AGBL1: variants seen among roughly 807,000 people sequenced by gnomAD.
AGBL1 encodes the protein AGBL carboxypeptidase 1.
In AGBL1, 130 loss-of-function variants were observed where a neutral mutation model predicts 118.9. The observed-to-expected ratio is 1.09, with a 90% CI of 0.95 to 1.26. The LOEUF (loss-of-function observed/expected upper bound fraction) is 1.26, where lower values mean the gene tolerates loss of function less well. AGBL1 is among the 50% of genes most tolerant of loss of function. The probability of loss-of-function intolerance (pLI) is 0.00; values close to 1 mark genes in which losing one functional copy is unlikely to be tolerated. For synonymous variants in AGBL1, 555 were observed against 478.9 expected (o/e 1.16, Z -2.08); for missense variants, 1,584 against 1,298.1 (o/e 1.22, Z -3.38).
intron 17 of AGBL1, among the ~76,000 whole-genome samples, chr15:86,310,656 T>G (rs2079906870): frequency 6.6e-6 from 1 of 152,120 alleles, no homozygotes; most frequent in African/African-American, 2.4e-5. Context: ...AACGAGCACC[T>G]CTACTGAGGC....
At chr15:86,868,663 T>G (rs1406767199) in intron 22 of AGBL1, among the ~76,000 whole-genome samples, 1 of 152,228 alleles carries the variant, frequency 6.6e-6, no homozygotes, top group Admixed American at 6.5e-5. Context: ...TAAACTGATT[T>G]CCACTCACCC....
intron 17 of AGBL1, among the ~76,000 whole-genome samples, chr15:86,298,079 T>C (rs1278743729): frequency 6.6e-6 from 1 of 151,662 alleles, no homozygotes; most frequent in Non-Finnish European, 1.5e-5. Context: ...ATGCTTCAGA[T>C]ACTGTGGCAG....
intron 23 of AGBL1, among the ~76,000 whole-genome samples, chr15:86,953,251 G>A (rs1171973756): frequency 1.3e-5 from 2 of 151,980 alleles, no homozygotes; most frequent in African/African-American, 4.8e-5. Context: ...AAATTGCTTT[G>A]GGCAGTATGG....
At chr15:86,241,762 G>A (rs1354981261) in intron 6 of AGBL1, among the ~76,000 whole-genome samples, 3 of 152,168 alleles carry the variant, frequency 2.0e-5, no homozygotes, top group African/African-American at 4.8e-5. Flanking sequence ...ACTTTGGAGG[G>A]GACATGTTCA....
intron 22 of AGBL1, among the ~76,000 whole-genome samples, chr15:86,698,625 TAA>T (rs1555439796): frequency 6.6e-6 from 1 of 150,750 alleles, no homozygotes; most frequent in African/African-American, 2.4e-5. Flanking sequence ...TTTTTTTTTT[TAA>T]AAAGAGACCA....
rs184398527 is a variant in AGBL1 at position 87,025,631 on chromosome 15, C to T, written c.3324-3194C>T. On this transcript the variant is annotated intron_variant, in intron 24 of 24. Coordinates refer to the AGBL1 transcript ENST00000441037. The stretch of plus-strand genomic sequence containing the variant: ...ATCAAAATACCACCATCATTCTTCA[C>T]ACAATTAGAAAAAAAATTCTAAAAT... Among the ~76,000 whole-genome samples, 40 of 152,000 alleles carry T rather than the reference C, an allele frequency of 2.6e-4. 1 individual carries two copies. In the South Asian group the frequency reaches 6.4e-3, roughly 24 times the overall value.
chr15:86,576,843 A>G (rs1053090860), intron 21 of AGBL1, among the ~76,000 whole-genome samples: 3 of 152,188 alleles, frequency 2.0e-5, no homozygotes, highest in African/African-American at 7.2e-5. Context: ...CCATCCATGT[A>G]TGACATGACT....
intron 18 of AGBL1, among the ~76,000 whole-genome samples, chr15:86,491,577 A>T (rs2082779462): frequency 6.6e-6 from 1 of 152,158 alleles, no homozygotes; most frequent in Admixed American, 6.5e-5. Context: ...TACAGCTTCC[A>T]GGAAAGAGAC....
chr15:86,365,534 C>A (rs546616293), intron 17 of AGBL1, among the ~76,000 whole-genome samples: 10 of 152,250 alleles, frequency 6.6e-5, no homozygotes, highest in African/African-American at 2.4e-4. Context: ...AGCCCTGTCT[C>A]GGAGAGTGGG....
intron 18 of AGBL1, among the ~76,000 whole-genome samples, chr15:86,460,532 C>G (rs906901824): frequency 1.5e-4 from 23 of 151,580 alleles, no homozygotes; most frequent in Admixed American, 1.1e-3. Context: ...ATAACAACAA[C>G]AACAAAAACA....
At chr15:86,810,395 C>T (rs2078771810) in intron 22 of AGBL1, among the ~76,000 whole-genome samples, 1 of 152,106 alleles carries the variant, frequency 6.6e-6, no homozygotes, top group Non-Finnish European at 1.5e-5. Context: ...GGTCCAAAGA[C>T]ATGAAATTGC....
rs1022554348 is a variant in AGBL1, at chr15:86,909,348, T to G, written c.*2054T>G. 1.1e-4 allele frequency: 16 copies of G among 152,212 alleles called. No homozygotes were observed. The highest frequency in any genetic ancestry group is 3.9e-4 in the African/African-American group (16 of 41,452). 9.4% of individuals were successfully genotyped at this position (152,212 alleles called of 1,614,324 possible). On this transcript the variant is annotated 3_prime_UTR_variant, in exon 23 of 23. Coordinates refer to ENST00000614907, the MANE Select transcript of AGBL1 (RefSeq NM_001386094.1). ...GTTCCAAACACCACCAAGGGAGTTT[T>G]GGATATATCAGAATAATCTCAGATG... is the stretch of plus-strand genomic sequence containing the variant.
chr15:86,958,594 T>G (rs2080957801), intron 23 of AGBL1, among the ~76,000 whole-genome samples: 1 of 152,200 alleles, frequency 6.6e-6, no homozygotes, highest in Admixed American at 6.6e-5. Flanking sequence ...TAGATTTCTG[T>G]GCTATACACA....
At chr15:86,805,626 ATAG>A (rs2078705151) in intron 22 of AGBL1, among the ~76,000 whole-genome samples, 1 of 152,186 alleles carries the variant, frequency 6.6e-6, no homozygotes, top group East Asian at 1.9e-4. Context: ...TGGACTTAAC[ATAG>A]CCCCTTGGGG....
chr15:86,621,833 A>C (rs1352526590), intron 21 of AGBL1, among the ~76,000 whole-genome samples: 3 of 152,220 alleles, frequency 2.0e-5, no homozygotes, highest in African/African-American at 7.2e-5. Context: ...CATGGCAGGC[A>C]TATAGTAAGT....
intron 4 of AGBL1, among the ~76,000 whole-genome samples, chr15:86,158,709 A>AT (rs1442043877): frequency 1.3e-5 from 2 of 152,252 alleles, no homozygotes; most frequent in Non-Finnish European, 2.9e-5. Context: ...GGAAGAACTG[A>AT]TTCTTCATTT....
chr15:86,905,430 C>T (rs2080268837), intron 22 of AGBL1, among the ~76,000 whole-genome samples: 1 of 152,112 alleles, frequency 6.6e-6, no homozygotes, highest in South Asian at 2.1e-4. Flanking sequence ...ATTAGGAGTG[C>T]CAATTTGGCT....
At chr15:86,262,078 C>CTTATTTTTTTTTTTTTTT (rs2078997178) in intron 9 of AGBL1, among the ~76,000 whole-genome samples, 1 of 52,768 alleles carries the variant, frequency 1.9e-5, no homozygotes, top group Non-Finnish European at 3.6e-5. Flanking sequence ...GCATAGCTGG[C>CTTATTTTTTTTTTTTTTT]TTTTTTTTTT....
chr15:86,583,896 G>C (rs142254139), intron 21 of AGBL1, among the ~76,000 whole-genome samples: 573 of 152,274 alleles, frequency 3.8e-3, no homozygotes, highest in African/African-American at 0.011. Flanking sequence ...ACTGGTGTGA[G>C]AAGGTATTTC....
Sources: allele counts gnomAD v4.1 joint callset (sites outside exome capture counted in the v4.1 genomes callset), GRCh38; gene constraint gnomAD v4.1.1; transcripts MANE v1.5; gene names NCBI Gene and HGNC (gene_info 2026-07-23, HGNC 2026-07-21).